The following MACROD2 variants were observed in gnomAD, a reference collection of about 807,000 sequenced individuals.
MACROD2 encodes the protein mono-ADP ribosylhydrolase 2.
In MACROD2, 36 loss-of-function variants were observed where a neutral mutation model predicts 70.4. That is an observed-to-expected ratio of 0.51 (90% confidence interval 0.39 to 0.68). The LOEUF (loss-of-function observed/expected upper bound fraction) is 0.68, where lower values mean the gene tolerates loss of function less well. Among genes scored for constraint, MACROD2 ranks in the 30% least tolerant of loss-of-function variants. The probability of loss-of-function intolerance (pLI) is 0.00; values close to 1 mark genes in which losing one functional copy is unlikely to be tolerated. For missense variants in MACROD2, 496 were observed against 538.4 expected, an observed-to-expected ratio of 0.92 and a Z score of 0.78; for synonymous variants, 172 against 178.8, an observed-to-expected ratio of 0.96 and a Z score of 0.30.
At chr20:15,029,613 T>C (rs1268728538) in intron 5 of MACROD2, among the ~76,000 whole-genome samples, 1 of 152,172 alleles carries the variant, frequency 6.6e-6, no homozygotes, top group Non-Finnish European at 1.5e-5. Flanking sequence ...TTTCTCAAGT[T>C]AGTTTATCAG....
intron 5 of MACROD2, among the ~76,000 whole-genome samples, chr20:15,137,722 AAAT>A (rs1824241806): frequency 6.6e-6 from 1 of 152,142 alleles, no homozygotes; most frequent in South Asian, 2.1e-4. Context: ...TAATAAAAAA[AAAT>A]AATAATCTTA....
intron 7 of MACROD2, among the ~76,000 whole-genome samples, chr20:15,460,165 G>A (rs951482208): frequency 2.6e-5 from 4 of 152,130 alleles, no homozygotes; most frequent in Admixed American, 6.6e-5. Flanking sequence ...CTCTACTCCC[G>A]TTTGAACCCA....
At chr20:14,831,095 G>T (rs1250829671) in intron 5 of MACROD2, among the ~76,000 whole-genome samples, 4 of 151,970 alleles carry the variant, frequency 2.6e-5, no homozygotes, top group African/African-American at 2.4e-5. Flanking sequence ...TGCTCACCTG[G>T]GTTTCCCCAA....
intron 5 of MACROD2, among the ~76,000 whole-genome samples, chr20:14,985,625 T>C (rs2074841243): frequency 6.6e-6 from 1 of 151,588 alleles, no homozygotes; most frequent in Non-Finnish European, 1.5e-5. Flanking sequence ...TTCCAGCTAA[T>C]GGAGTAGACA....
chr20:15,095,834 C>T (rs1377178055), intron 5 of MACROD2, among the ~76,000 whole-genome samples: 3 of 150,632 alleles, frequency 2.0e-5, no homozygotes, highest in Non-Finnish European at 4.4e-5. Context: ...TTCTTCAGTT[C>T]TTTATGTTTG....
intron 8 of MACROD2, among the ~76,000 whole-genome samples, chr20:15,666,052 G>A (rs573622697): frequency 4.6e-5 from 7 of 152,164 alleles, no homozygotes; most frequent in African/African-American, 1.7e-4. Flanking sequence ...TAAATGAGTA[G>A]CCTTGTAATT....
chr20:15,629,816 T>G (rs954527527), intron 8 of MACROD2, among the ~76,000 whole-genome samples: 1 of 152,236 alleles, frequency 6.6e-6, no homozygotes, highest in Non-Finnish European at 1.5e-5. Context: ...GAAAATGATC[T>G]GTACATGCAG....
At chr20:14,173,339 A>G (rs1262729138) in intron 3 of MACROD2, among the ~76,000 whole-genome samples, 1 of 151,928 alleles carries the variant, frequency 6.6e-6, no homozygotes, top group Non-Finnish European at 1.5e-5. Context: ...TCTTTGTTAG[A>G]TTGAATTAAT....
chr20:15,025,816 G>T (rs2075226695), intron 5 of MACROD2, among the ~76,000 whole-genome samples: 1 of 152,078 alleles, frequency 6.6e-6, no homozygotes, highest in South Asian at 2.1e-4. Flanking sequence ...CCCAGATCTT[G>T]TCAAATGTCC....
At chr20:15,685,086 T>A (rs975121300) in intron 8 of MACROD2, among the ~76,000 whole-genome samples, 2 of 152,160 alleles carry the variant, frequency 1.3e-5, no homozygotes, top group Admixed American at 6.5e-5. Context: ...ATAAGGATCA[T>A]TAATAAAATA....
chr20:15,699,416 G>T (rs1406818698), intron 8 of MACROD2, among the ~76,000 whole-genome samples: 1 of 152,204 alleles, frequency 6.6e-6, no homozygotes, highest in African/African-American at 2.4e-5. Flanking sequence ...ACAGAGTCCT[G>T]TGATGTGAAC....
chr20:15,400,421 C>T (rs56271033), intron 6 of MACROD2, among the ~76,000 whole-genome samples: 7,925 of 152,224 alleles, frequency 0.052, 542 homozygotes, highest in African/African-American at 0.15. Flanking sequence ...ACACACTTCA[C>T]TTTTGTTTTG....
intron 3 of MACROD2, among the ~76,000 whole-genome samples, chr20:14,345,022 C>T (rs913982047): frequency 6.6e-6 from 1 of 152,088 alleles, no homozygotes; most frequent in Admixed American, 6.5e-5. Context: ...TAACAAAGAA[C>T]AAAGGATTTT....
At chr20:15,456,834 C>T (rs553908505) in intron 7 of MACROD2, among the ~76,000 whole-genome samples, 10 of 152,136 alleles carry the variant, frequency 6.6e-5, no homozygotes, top group African/African-American at 1.4e-4. Flanking sequence ...TATTGTCTCC[C>T]GGCATATTCT....
chr20:15,497,539 C>G (rs1239347494), intron 7 of MACROD2, among the ~76,000 whole-genome samples: 1 of 152,088 alleles, frequency 6.6e-6, no homozygotes, highest in Non-Finnish European at 1.5e-5. Context: ...ATCCTCCCAC[C>G]TCGGCCCTTC....
chr20:16,023,892 C>T (rs1352974406), intron 15 of MACROD2, among the ~76,000 whole-genome samples: 3 of 152,156 alleles, frequency 2.0e-5, no homozygotes, highest in Non-Finnish European at 1.5e-5. Flanking sequence ...GACCCCTGGG[C>T]TGTCCTCTAC....
chr20:15,472,488 T>C (rs139271591), intron 7 of MACROD2, among the ~76,000 whole-genome samples: 336 of 152,316 alleles, frequency 2.2e-3, no homozygotes, highest in Non-Finnish European at 4.1e-3. Context: ...CTTTGTCTAA[T>C]ACTAAATCTA....
chr20:14,680,817 G>A (rs2070923145), intron 4 of MACROD2, among the ~76,000 whole-genome samples: 1 of 152,050 alleles, frequency 6.6e-6, no homozygotes, highest in African/African-American at 2.4e-5. Context: ...GAATGGATGA[G>A]GAGATGGGAA....
chr20:14,447,976 A>ATGTGTGTGTGTG (rs11087090), intron 3 of MACROD2, among the ~76,000 whole-genome samples: 11,346 of 143,008 alleles, frequency 0.079, 636 homozygotes, highest in Non-Finnish European at 0.12. Flanking sequence ...ACCCATGAAA[A>ATGTGTGTGTGTG]TGTGTGTGTG....
Sources: allele counts gnomAD v4.1 joint callset (sites outside exome capture counted in the v4.1 genomes callset), GRCh38; gene constraint gnomAD v4.1.1; transcripts MANE v1.5; gene names NCBI Gene and HGNC (gene_info 2026-07-23, HGNC 2026-07-21).